SLC38A6: variants seen among roughly 807,000 people sequenced by gnomAD.
The protein encoded by SLC38A6 is solute carrier family 38 member 6, also known as N system amino acid transporter NAT-1.
SLC38A6 carries 73 observed loss-of-function variants against 65.0 expected under a neutral mutation model. The ratio of observed to expected loss-of-function variants is 1.12; its 90% CI spans 0.93 to 1.37. The LOEUF (loss-of-function observed/expected upper bound fraction) is 1.37. Ranked by LOEUF, SLC38A6 falls within the 40% of genes most tolerant of loss-of-function variation. The pLI, the probability that SLC38A6 is intolerant of heterozygous loss-of-function variation, is 0.00. For synonymous variants in SLC38A6, 183 were observed against 178.8 expected (o/e 1.02, Z -0.19); for missense variants, 561 against 531.1 (o/e 1.06, Z -0.55).
intron 5 of SLC38A6, among the ~76,000 whole-genome samples, chr14:61,025,791 A>G (rs2040581479): frequency 1.3e-5 from 2 of 152,120 alleles, no homozygotes; most frequent in African/African-American, 2.4e-5. Flanking sequence ...ATTTGAGTGC[A>G]TATAGAACTT....
chr14:60,990,307 AG>A (rs1012444439), intron 3 of SLC38A6, among the ~76,000 whole-genome samples: 10 of 152,170 alleles, frequency 6.6e-5, no homozygotes, highest in African/African-American at 2.4e-4. Context: ...CTGGGATTAC[AG>A]GTGTGAGTGA....
chr14:61,015,844 T>C, intron 3 of SLC38A6, 60 bp from the exon 4 acceptor site: 1 of 1,386,748 alleles, frequency 7.2e-7, no homozygotes, highest in Non-Finnish European at 1.0e-6. Flanking sequence ...GCTCTTCTCT[T>C]TAGGACCTGA....
chr14:60,997,225 C>G (rs1278432257), intron 3 of SLC38A6, among the ~76,000 whole-genome samples: 1 of 152,142 alleles, frequency 6.6e-6, no homozygotes, highest in Admixed American at 6.5e-5. Context: ...CTCCCAGGCT[C>G]AAGTGATCCT....
At chr14:61,076,292 T>A (rs2043415266) in intron 15 of SLC38A6, among the ~76,000 whole-genome samples, 1 of 152,208 alleles carries the variant, frequency 6.6e-6, no homozygotes, top group South Asian at 2.1e-4. Flanking sequence ...TCCAACCTGC[T>A]AAAATCTGAA....
intron 15 of SLC38A6, among the ~76,000 whole-genome samples, chr14:61,066,934 T>C (rs2043038326): frequency 6.6e-6 from 1 of 152,150 alleles, no homozygotes; most frequent in South Asian, 2.1e-4. Context: ...GCACATATTA[T>C]GTCCTAGAAG....
At position 61,007,320 on chromosome 14, in the gene SLC38A6, TAATAA is replaced by T. The variant is rs71114175; in HGVS notation, c.311-8566_311-8562del. ...CACATGTACCCTAAAACTTTAATAA[TAATAA>T]AATAAAATAAAATAAAAGAACAGAC... On this transcript the variant is annotated intron_variant, in intron 3 of 15. Transcript: ENST00000267488. 4.0e-3 allele frequency among the ~76,000 whole-genome samples: 600 copies of T among 150,012 alleles called. 5 individuals are homozygous for T. Among genetic ancestry groups the T allele is most frequent in the African/African-American group, 0.013 (534 of 40,794 alleles).
At chr14:61,055,117 T>C (rs1247723314), downstream of SLC38A6, among the ~76,000 whole-genome samples, 1 of 129,104 alleles carries the variant, frequency 7.7e-6, no homozygotes, top group Non-Finnish European at 1.7e-5. Flanking sequence ...TTTTTTTTTT[T>C]CTTTTTTTTT....
intron 10 of SLC38A6, 105 bp from the exon 11 acceptor site, chr14:61,045,241 A>G (rs2042064535): frequency 1.4e-6 from 1 of 716,054 alleles, no homozygotes; most frequent in Non-Finnish European, 2.4e-6. Context: ...GATGAAATAA[A>G]TGTAATCAAA....
intron 3 of SLC38A6, chr14:60,986,998 ATGAAG>A: frequency 2.6e-6 from 1 of 389,016 alleles, no homozygotes; most frequent in South Asian, 1.9e-5. Flanking sequence ...TCTGGGGCGT[ATGAAG>A]TGAATATATC....
At chr14:61,065,583 T>C (rs1396935214) in intron 15 of SLC38A6, among the ~76,000 whole-genome samples, 1 of 152,190 alleles carries the variant, frequency 6.6e-6, no homozygotes. Flanking sequence ...CAGAGATCAG[T>C]TGAAAAAGAG....
intron 3 of SLC38A6, among the ~76,000 whole-genome samples, chr14:61,010,919 G>A (rs1231915862): frequency 6.6e-6 from 1 of 152,184 alleles, no homozygotes; most frequent in East Asian, 1.9e-4. Context: ...ATTCTGTGAA[G>A]AAAGTCATTG....
Position 61,051,901 on chromosome 14 carries a change from C to T in SLC38A6, c.1165C>T (p.Pro389Ser). Reference sequence around the variant, plus strand: ...CATCGTTTTACTTGCAATATATGTTCCTGACATTAGAAATGTATTTGGTGT... The same window carrying T: ...CATCGTTTTACTTGCAATATATGTTTCTGACATTAGAAATGTATTTGGTGT... ...IIIVLLAIYV[P>S]DIRNVFGVVG... Residue 389 changes from proline to serine, a missense_variant, in exon 14 of 16, where the codon CCT (proline) becomes TCT (serine). By Grantham distance (74) the Pro-to-Ser change is moderately conservative. Transcript: ENST00000267488. The T allele has an allele frequency of 6.2e-7, 1 of 1,611,160 alleles. No homozygotes were observed. Among genetic ancestry groups the T allele is most frequent in the East Asian group, 2.2e-5 (1 of 44,720 alleles).
chr14:61,066,561 G>A (rs568254631), intron 15 of SLC38A6, among the ~76,000 whole-genome samples: 3 of 152,154 alleles, frequency 2.0e-5, no homozygotes, highest in South Asian at 4.2e-4. Context: ...TTGTAATATG[G>A]GATGCTATAA....
At chr14:61,064,479 A>G (rs904844640) in intron 15 of SLC38A6, among the ~76,000 whole-genome samples, 7 of 151,696 alleles carry the variant, frequency 4.6e-5, no homozygotes, top group Non-Finnish European at 8.8e-5. Context: ...TGGCAAAGGG[A>G]CAGTCTGTTG....
intron 10 of SLC38A6, 100 bp downstream of exon 10, chr14:61,043,603 A>G (rs993732284): frequency 1.3e-6 from 1 of 760,014 alleles, no homozygotes; most frequent in African/African-American, 1.8e-5. Flanking sequence ...ACCTGTGACT[A>G]ATTAATTTTC....
chr14:61,006,666 C>T (rs2039144843), intron 3 of SLC38A6, among the ~76,000 whole-genome samples: 1 of 152,174 alleles, frequency 6.6e-6, no homozygotes, highest in Non-Finnish European at 1.5e-5. Context: ...ATTAAAAAGT[C>T]AGGAAACAAC....
intron 3 of SLC38A6, among the ~76,000 whole-genome samples, chr14:61,012,508 C>G (rs906661951): frequency 1.3e-5 from 2 of 152,176 alleles, no homozygotes; most frequent in African/African-American, 4.8e-5. Context: ...CCTGCTTTCT[C>G]TTGTGGGCAT....
At chr14:61,055,165 G>T (rs1359023706), downstream of SLC38A6, among the ~76,000 whole-genome samples, 1 of 65,026 alleles carries the variant, frequency 1.5e-5, no homozygotes, top group African/African-American at 6.1e-5. Flanking sequence ...TGTGCACATT[G>T]TGCAGGTTAG....
In SLC38A6 at chr14:61,082,917, C is replaced by A. The variant is rs528891773; in HGVS notation, c.1409-638C>A. 2.0e-5 allele frequency among the ~76,000 whole-genome samples: 3 copies of A among 152,290 alleles called. No homozygotes were observed. The South Asian group carries it at 6.2e-4, about 32-fold the overall frequency. Reference sequence around the variant, plus strand: ...TTATTACAGTGTTTCCTCAGAATGACCCTATAGACACAGTGTTTTCTCAGT... The same window carrying A: ...TTATTACAGTGTTTCCTCAGAATGAACCTATAGACACAGTGTTTTCTCAGT... On this transcript the variant is annotated intron_variant, in intron 16 of 16. Coordinates refer to the SLC38A6 transcript ENST00000354886.
Sources: allele counts gnomAD v4.1 joint callset (sites outside exome capture counted in the v4.1 genomes callset), GRCh38; gene constraint gnomAD v4.1.1; transcripts MANE v1.5; gene names NCBI Gene and HGNC (gene_info 2026-07-23, HGNC 2026-07-21).